Variants in CTNNA2 observed in about 807,000 individuals in gnomAD.
CTNNA2 encodes catenin alpha-2.
In CTNNA2, 42 loss-of-function variants were observed where a neutral mutation model predicts 101.0. The observed-to-expected ratio is 0.42, with a 90% CI of 0.32 to 0.54. The LOEUF is 0.54. Ranked by LOEUF, CTNNA2 falls within the 20% of genes least tolerant of loss-of-function variation. The pLI, the probability that CTNNA2 is intolerant of heterozygous loss-of-function variation, is 0.14. For missense variants in CTNNA2, 871 were observed against 1,223.1 expected (o/e 0.71, Z 4.29); for synonymous variants, 450 against 456.4 (o/e 0.99, Z 0.18).
At chr2:80,069,046 C>T (rs1441909318) in intron 7 of CTNNA2, among the ~76,000 whole-genome samples, 1 of 152,148 alleles carries the variant, frequency 6.6e-6, no homozygotes, top group Non-Finnish European at 1.5e-5. Context: ...AAAATGTCCC[C>T]TGATAGGCTT....
chr2:80,113,110 G>GAC (rs1218562438), intron 7 of CTNNA2, among the ~76,000 whole-genome samples: 3 of 152,138 alleles, frequency 2.0e-5, no homozygotes, highest in African/African-American at 7.2e-5. Flanking sequence ...GGCGAGGAGT[G>GAC]TACCACATTT....
intron 7 of CTNNA2, among the ~76,000 whole-genome samples, chr2:79,930,312 G>GAA (rs1553406906): frequency 2.4e-4 from 30 of 123,430 alleles, no homozygotes; most frequent in African/African-American, 9.7e-4. Context: ...AAGAAAGAAA[G>GAA]AAAGAAAGAA....
At chr2:80,564,564 C>T (rs1215143373) in intron 12 of CTNNA2, among the ~76,000 whole-genome samples, 5 of 145,364 alleles carry the variant, frequency 3.4e-5, no homozygotes, top group Non-Finnish European at 7.5e-5. Flanking sequence ...CATCTTTTAT[C>T]AAACAATTCA....
At chr2:80,176,063 G>T (rs192313791) in intron 7 of CTNNA2, among the ~76,000 whole-genome samples, 1 of 152,078 alleles carries the variant, frequency 6.6e-6, no homozygotes, top group African/African-American at 2.4e-5. Context: ...ATCCCCTTTG[G>T]CAACACCTTC....
Position 79,651,817 on chromosome 2 carries a change from G to T in CTNNA2, c.102+159G>T, listed in dbSNP as rs551064805. ...TGCCTGAACTATGGGCAATCTCATT[G>T]CCCTATAACATTTGAAGTGGCTTTT... On this transcript the variant is annotated intron_variant, in intron 2 of 18. Transcript: ENST00000402739. Among the ~76,000 whole-genome samples the T allele has an allele frequency of 1.6e-3, 248 of 152,238 alleles. 1 individual carries two copies. The highest frequency in any genetic ancestry group is 5.7e-3 in the African/African-American group (237 of 41,544).
At chr2:79,495,098 G>A (rs1671242409) in intron 4 of CTNNA2, among the ~76,000 whole-genome samples, 1 of 151,960 alleles carries the variant, frequency 6.6e-6, no homozygotes. Context: ...GCAAAACTCC[G>A]TCTCGAAACA....
At chr2:79,347,557 A>G (rs1285822607) in intron 3 of CTNNA2, among the ~76,000 whole-genome samples, 1 of 152,158 alleles carries the variant, frequency 6.6e-6, no homozygotes, top group Non-Finnish European at 1.5e-5. Context: ...AATGCATTTA[A>G]TACCGAACCT....
intron 3 of CTNNA2, among the ~76,000 whole-genome samples, chr2:79,838,454 A>G (rs1452561865): frequency 6.6e-6 from 1 of 152,204 alleles, no homozygotes; most frequent in Non-Finnish European, 1.5e-5. Context: ...AATGGAATAT[A>G]TGCCAAAACA....
intron 7 of CTNNA2, among the ~76,000 whole-genome samples, chr2:79,991,555 A>G (rs2103898686): frequency 6.6e-6 from 1 of 152,212 alleles, no homozygotes; most frequent in East Asian, 1.9e-4. Flanking sequence ...ATTGAATATG[A>G]GATGTACAGT....
chr2:80,522,884 C>G (rs1278780502), intron 9 of CTNNA2, among the ~76,000 whole-genome samples: 1 of 152,114 alleles, frequency 6.6e-6, no homozygotes, highest in African/African-American at 2.4e-5. Context: ...TGAGAATAGA[C>G]TAATACAATA....
intron 3 of CTNNA2, among the ~76,000 whole-genome samples, chr2:79,370,258 T>C (rs1677840058): frequency 6.6e-6 from 1 of 152,178 alleles, no homozygotes; most frequent in South Asian, 2.1e-4. Flanking sequence ...ACTTTCAAAA[T>C]TGAAAGATCA....
rs181069080 is a variant in CTNNA2, at chr2:79,192,056, C to A, written c.-523-5903C>A. 3.0e-3 allele frequency among the ~76,000 whole-genome samples: 457 copies of A among 151,820 alleles called. 1 individual carries two copies. Among genetic ancestry groups the A allele is most frequent in the Non-Finnish European group, 4.9e-3 (335 of 67,940 alleles). ...AAGGTGCGAAGCTATTGGTTGAAGT[C>A]GGTGGAAGAGTGAGTTATTCCTTCT... On this transcript the variant is annotated intron_variant, in intron 1 of 21. Coordinates refer to the CTNNA2 transcript ENST00000466387.
chr2:79,487,039 A>G (rs1224259289), intron 4 of CTNNA2, among the ~76,000 whole-genome samples: 1 of 152,242 alleles, frequency 6.6e-6, no homozygotes, highest in Non-Finnish European at 1.5e-5. Flanking sequence ...TAAGAGGAAA[A>G]CATAATAAAT....
intron 7 of CTNNA2, among the ~76,000 whole-genome samples, chr2:80,282,620 T>A (rs1674468378): frequency 6.6e-6 from 1 of 152,206 alleles, no homozygotes; most frequent in Non-Finnish European, 1.5e-5. Context: ...AAATCTCAGA[T>A]ATATAATCTC....
At chr2:79,215,911 G>A (rs1420524614) in intron 2 of CTNNA2, among the ~76,000 whole-genome samples, 1 of 152,090 alleles carries the variant, frequency 6.6e-6, no homozygotes, top group African/African-American at 2.4e-5. Flanking sequence ...GGTCAGATGG[G>A]TCAGTAGAAA....
rs573347928 is a variant in CTNNA2, at chr2:79,328,672, T to C, written c.-318+15876T>C. On this transcript the variant is annotated intron_variant, in intron 3 of 21. Transcript: ENST00000466387. The stretch of plus-strand genomic sequence containing the variant: ...TAGAGTGTGGTTTGAGTACAGCATG[T>C]TAGGAAGATATAAAAGGGAGAAGAG... 1.3e-4 allele frequency among the ~76,000 whole-genome samples: 20 copies of C among 152,228 alleles called. No individual in the cohort carries two copies. The South Asian group carries it at 4.2e-3, about 32-fold the overall frequency.
At chr2:80,046,241 G>A (rs1313275209) in intron 7 of CTNNA2, among the ~76,000 whole-genome samples, 1 of 152,168 alleles carries the variant, frequency 6.6e-6, no homozygotes, top group Non-Finnish European at 1.5e-5. Flanking sequence ...GAACTGGGTT[G>A]ACCTTGATGC....
intron 3 of CTNNA2, among the ~76,000 whole-genome samples, chr2:79,848,531 C>T (rs545877587): frequency 1.1e-4 from 16 of 152,246 alleles, no homozygotes; most frequent in African/African-American, 3.9e-4. Context: ...TAAAATTACC[C>T]TACACCCTCT....
At chr2:79,521,910 A>T (rs560659114) in intron 1 of CTNNA2, among the ~76,000 whole-genome samples, 3 of 152,262 alleles carry the variant, frequency 2.0e-5, no homozygotes, top group African/African-American at 7.2e-5. Flanking sequence ...GTGGGCAAGC[A>T]TACAAATAGT....
Sources: allele counts gnomAD v4.1 joint callset (sites outside exome capture counted in the v4.1 genomes callset), GRCh38; gene constraint gnomAD v4.1.1; transcripts MANE v1.5; gene names NCBI Gene and HGNC (gene_info 2026-07-23, HGNC 2026-07-21).